Variants in NPL observed in about 807,000 individuals in gnomAD.
NPL encodes the protein N-acetylneuraminate lyase.
A neutral mutation model predicts 41.1 loss-of-function variants in NPL; 32 were observed. That is an observed-to-expected ratio of 0.78 (90% CI 0.59 to 1.05). The LOEUF is 1.05. Ranked by LOEUF, NPL falls within the 50% of genes least tolerant of loss-of-function variation. The pLI, the probability that NPL is intolerant of heterozygous loss-of-function variation, is 0.00. For synonymous variants in NPL, 128 were observed against 134.9 expected, an observed-to-expected ratio of 0.95 and a Z score of 0.35; for missense variants, 321 against 378.4, an observed-to-expected ratio of 0.85 and a Z score of 1.26.
At chr1:182,803,898 C>G (rs1162648751) in intron 4 of NPL, 127 bp downstream of exon 4, 1 of 765,606 alleles carries the variant, frequency 1.3e-6, no homozygotes, top group Non-Finnish European at 2.3e-6. Context: ...CCTGGCTAAG[C>G]TAACTAAAAT....
chr1:182,828,623 T>A lies in NPL; in HGVS notation c.779-101T>A. On this transcript the variant is annotated intron_variant, in intron 12 of 12. Transcript: ENST00000367553. This position sits in a 1 kb window ranked among gnomAD's most constrained non-coding sequence, Gnocchi z 4.0. ...CCCATCTTTTGTTTTAATCTTACCCTGTTGTAGTAGTTGCTGTTAGCATAT... is the reference window on the plus strand; with the variant it reads ...CCCATCTTTTGTTTTAATCTTACCCAGTTGTAGTAGTTGCTGTTAGCATAT... 6.9e-7 allele frequency: 1 copy of A among 1,441,986 alleles called. No homozygotes were observed. The highest frequency in any genetic ancestry group is 1.2e-5 in the South Asian group (1 of 84,260). The allele number at this position is 1,441,986 out of a possible 1,614,324, so 89.3% of individuals were successfully genotyped here.
intron 11 of NPL, among the ~76,000 whole-genome samples, chr1:182,823,603 C>T (rs1321387119): frequency 3.3e-5 from 5 of 152,190 alleles, no homozygotes; most frequent in African/African-American, 9.7e-5. Flanking sequence ...GCAGACTCTG[C>T]CATCTCCTTG....
At chr1:182,809,163 G>T (rs189377853) in intron 5 of NPL, 234 of 420,802 alleles carry the variant, frequency 5.6e-4, no homozygotes, top group African/African-American at 4.6e-3. Flanking sequence ...GGAGTGTAAT[G>T]ATGCTTTCAC....
At position 182,829,345 on chromosome 1, in the gene NPL, A is replaced by G. The variant is rs1667709529; in HGVS notation, c.*437A>G. ...AAACTCTGAGCTACTGCATTTAGGC[A>G]GGCACTTTAATACCAAACTGTAACA... On this transcript the variant is annotated 3_prime_UTR_variant, in exon 13 of 13. Coordinates refer to ENST00000367553, the MANE Select transcript of NPL (RefSeq NM_030769.3). The G allele has an allele frequency of 8.0e-7, 1 of 1,242,272 alleles. No homozygotes were observed. Among genetic ancestry groups the G allele is most frequent in the Admixed American group, 4.0e-5 (1 of 25,092 alleles). The allele number at this position is 1,242,272 out of a possible 1,614,324, so 77.0% of individuals were successfully genotyped here. A position where few individuals can be genotyped will look rare whatever the true frequency, so the allele number is the denominator to read the frequency against.
chr1:182,790,613 TTTGTTGTTG>T (rs148847511), intron 1 of NPL, among the ~76,000 whole-genome samples: 10,253 of 150,430 alleles, frequency 0.068, 398 homozygotes, highest in East Asian at 0.14. Context: ...GTTAAAGTCT[TTTGTTGTTG>T]TTGTTGTTGT....
At chr1:182,818,710 T>G (rs1281453620) in intron 9 of NPL, 21 bp downstream of exon 9, 4 of 1,614,168 alleles carry the variant, frequency 2.5e-6, no homozygotes, top group South Asian at 2.2e-5. Flanking sequence ...CCCTAGCATG[T>G]TGCAGCAGGT....
chr1:182,795,783 A>G (rs1429606958), intron 3 of NPL: 1 of 152,218 alleles, frequency 6.6e-6, no homozygotes, highest in Admixed American at 6.5e-5. Context: ...ACTTGTTCGC[A>G]GATCAAACAG....
chr1:182,790,655 G>GTTGT, intron 1 of NPL, among the ~76,000 whole-genome samples: 1 of 142,274 alleles, frequency 7.0e-6, no homozygotes, highest in South Asian at 2.2e-4. Context: ...TGTTGTTGTT[G>GTTGT]TTTTTGAGAC....
intron 2 of NPL, among the ~76,000 whole-genome samples, chr1:182,793,970 C>T (rs1364394693): frequency 6.6e-6 from 1 of 152,112 alleles, no homozygotes; most frequent in African/African-American, 2.4e-5. Context: ...TTGGTATACA[C>T]GAAGGTCCTG....
rs142783148 is a variant in NPL, at chr1:182,824,621, C to T, written c.739-1160C>T. Among the ~76,000 whole-genome samples, 1,120 of 152,084 alleles carry T rather than the reference C, an allele frequency of 7.4e-3. 18 individuals carry two copies. Among genetic ancestry groups the T allele is most frequent in the Admixed American group, 0.042 (643 of 15,266 alleles). ...GACCATCATGGCTAACGTGGCAAAA[C>T]CCCGTCTCTACTAAAAATACAAAAA... On this transcript the variant is annotated intron_variant, in intron 11 of 12. Transcript: ENST00000367553.
intron 3 of NPL, among the ~76,000 whole-genome samples, chr1:182,801,261 T>C (rs1666839297): frequency 6.6e-6 from 1 of 152,170 alleles, no homozygotes; most frequent in Non-Finnish European, 1.5e-5. Context: ...GGGCATTTTA[T>C]AAGAAGCAGC....
chr1:182,828,648 T>G lies in NPL; in HGVS notation c.779-76T>G. 3.1e-6 allele frequency: 5 copies of G among 1,595,818 alleles called. No individual in the cohort carries two copies. Among genetic ancestry groups the G allele is most frequent in the Non-Finnish European group, 4.3e-6 (5 of 1,166,886 alleles). The stretch of plus-strand genomic sequence containing the variant: ...TGTTGTAGTAGTTGCTGTTAGCATA[T>G]GATCTCCTTCTTTGGGATTTTTGTG... On this transcript the variant is annotated intron_variant, in intron 12 of 12. Transcript: ENST00000367553. The surrounding 1 kb of genome is among the most constrained non-coding windows in gnomAD (Gnocchi z 4.0).
intron 3 of NPL, among the ~76,000 whole-genome samples, chr1:182,800,013 G>A (rs910400769): frequency 1.3e-5 from 2 of 152,054 alleles, no homozygotes; most frequent in Non-Finnish European, 2.9e-5. Context: ...ATGCCCAGTG[G>A]GTGGGCAGAA....
chr1:182,806,323 G>A, intron 5 of NPL, 91 bp downstream of exon 5: 1 of 1,577,292 alleles, frequency 6.3e-7, no homozygotes. Context: ...CCTGCTTCCT[G>A]GTCAGAGCCG....
chr1:182,798,895 G>A (rs1422071222), intron 3 of NPL, among the ~76,000 whole-genome samples: 2 of 152,238 alleles, frequency 1.3e-5, no homozygotes, highest in Admixed American at 1.3e-4. Context: ...ACCAGTGGCT[G>A]TTTTGCCAAG....
rs866922032 is a variant in NPL, at chr1:182,829,651, G to A, written c.*743G>A. ...AAGAACCAAAGGACTCTTCCTCTGG[G>A]CACCACAAACTTCCCCTTCCTCCAC... On this transcript the variant is annotated 3_prime_UTR_variant, in exon 13 of 13. Coordinates refer to ENST00000367553, the MANE Select transcript of NPL (RefSeq NM_030769.3). 6.5e-7 allele frequency: 1 copy of A among 1,549,236 alleles called. No homozygotes were observed. Among genetic ancestry groups the A allele is most frequent in the Non-Finnish European group, 8.7e-7 (1 of 1,145,480 alleles).
At chr1:182,824,464 A>G (rs777015982) in intron 11 of NPL, among the ~76,000 whole-genome samples, 6 of 152,220 alleles carry the variant, frequency 3.9e-5, no homozygotes, top group African/African-American at 1.4e-4. Flanking sequence ...ATACTTTTAA[A>G]TATAAAATGT....
In NPL at chr1:182,829,248, T is replaced by G; in HGVS notation, c.*340T>G. 1 of 1,195,790 alleles carries G rather than the reference T, an allele frequency of 8.4e-7. No homozygotes were observed. The highest frequency in any genetic ancestry group is 1.0e-6 in the Non-Finnish European group (1 of 960,998). The allele number at this position is 1,195,790 out of a possible 1,614,324, so 74.1% of individuals were successfully genotyped here. On this transcript the variant is annotated 3_prime_UTR_variant, in exon 13 of 13. Transcript: ENST00000367553. Reference sequence around the variant, plus strand: ...TCTCGGTCTCTGGTTCCTAATCCTATTTTAAAGTTGTCTAATTTTAAACCA... The same window carrying G: ...TCTCGGTCTCTGGTTCCTAATCCTAGTTTAAAGTTGTCTAATTTTAAACCA...
Position 182,828,527 on chromosome 1 carries a change from A to G in NPL, c.779-197A>G, listed in dbSNP as rs1019905489. 2.6e-5 allele frequency among the ~76,000 whole-genome samples: 4 copies of G among 152,084 alleles called. No individual in the cohort carries two copies. The highest frequency in any genetic ancestry group is 1.3e-4 in the Admixed American group (2 of 15,248). ...CTGTGATCAACTTTTAAAATTTTCC[A>G]GCGTTCTGTGTTTGAAGCAGGAAGA... On this transcript the variant is annotated intron_variant, in intron 12 of 12. Transcript: ENST00000367553. The surrounding 1 kb of genome is among the most constrained non-coding windows in gnomAD (Gnocchi z 4.0).
Sources: gnomAD v4.1 joint callset for allele counts (sites outside exome capture counted in the v4.1 genomes callset) on GRCh38, gnomAD v4.1.1 for gene constraint, Gnocchi (gnomAD v3.1) non-coding constraint, MANE v1.5 for transcripts, NCBI Gene and HGNC (gene_info 2026-07-23, HGNC 2026-07-21) for gene names.